The following PHF14 variants were observed in gnomAD, a reference collection of about 807,000 sequenced individuals.
PHF14 encodes PHD finger protein 14.
Under a neutral mutation model 117.9 loss-of-function variants are expected in PHF14, and 55 were observed. The observed-to-expected ratio is 0.47, with a 90% CI of 0.38 to 0.58. The LOEUF is 0.58. PHF14 is among the 20% of genes least tolerant of loss of function. The probability of loss-of-function intolerance (pLI) is 0.00; values close to 1 mark genes in which losing one functional copy is unlikely to be tolerated. For synonymous variants in PHF14, 409 were observed against 368.6 expected, an observed-to-expected ratio of 1.11 and a Z score of -1.26; for missense variants, 978 against 1,122.2, an observed-to-expected ratio of 0.87 and a Z score of 1.84.
At chr7:11,003,408 T>G (rs929711395) in intron 4 of PHF14, among the ~76,000 whole-genome samples, 2 of 152,224 alleles carry the variant, frequency 1.3e-5, no homozygotes, top group Non-Finnish European at 2.9e-5. Context: ...AATACATAGG[T>G]GTTAAGCCAG....
At chr7:11,037,634 A>G (rs967250774) in intron 10 of PHF14, among the ~76,000 whole-genome samples, 1 of 152,208 alleles carries the variant, frequency 6.6e-6, no homozygotes, top group Non-Finnish European at 1.5e-5. Context: ...GTACCTCTTC[A>G]TCGTAATGAG....
chr7:11,061,697 AAC>A (rs1785226706), intron 14 of PHF14, 92 bp from the exon 15 acceptor site: 3 of 960,964 alleles, frequency 3.1e-6, no homozygotes, highest in South Asian at 5.9e-5. Flanking sequence ...CCTAAGCAAT[AAC>A]ATTTAACAGA....
chr7:11,141,017 A>G (rs977604739), intron 17 of PHF14, among the ~76,000 whole-genome samples: 6 of 152,132 alleles, frequency 3.9e-5, no homozygotes, highest in African/African-American at 1.2e-4. Context: ...TCTGAGGAAC[A>G]TAAGACAGAC....
chr7:11,005,862 G>A (rs1353415234), intron 4 of PHF14, among the ~76,000 whole-genome samples: 2 of 135,406 alleles, frequency 1.5e-5, no homozygotes, highest in Non-Finnish European at 3.0e-5. Flanking sequence ...GTGAGATCTC[G>A]GCTCACTGCA....
At chr7:11,057,295 G>A (rs925791577) in intron 14 of PHF14, among the ~76,000 whole-genome samples, 3 of 152,050 alleles carry the variant, frequency 2.0e-5, no homozygotes, top group African/African-American at 7.2e-5. Context: ...TACATTACAT[G>A]TTTTTTAGTC....
At chr7:11,109,320 G>A (rs1193851078) in intron 16 of PHF14, 1 of 151,774 alleles carries the variant, frequency 6.6e-6, no homozygotes, top group African/African-American at 2.4e-5. Flanking sequence ...CTGACTCCTG[G>A]TCCTCATTCC....
At chr7:11,154,513 T>C (rs1481257128) in intron 17 of PHF14, among the ~76,000 whole-genome samples, 2 of 152,182 alleles carry the variant, frequency 1.3e-5, no homozygotes, top group East Asian at 3.8e-4. Context: ...GTCTAATTTC[T>C]GTACCAAATC....
intron 17 of PHF14, among the ~76,000 whole-genome samples, chr7:11,155,039 G>A (rs1788802979): frequency 6.6e-6 from 1 of 152,098 alleles, no homozygotes. Context: ...CACTACAGCA[G>A]TATGTCATTA....
intron 3 of PHF14, among the ~76,000 whole-genome samples, chr7:10,984,135 T>A (rs1782138680): frequency 6.6e-6 from 1 of 152,146 alleles, no homozygotes; most frequent in Non-Finnish European, 1.5e-5. Flanking sequence ...GTTAAACGGG[T>A]AGAAAGATTT....
Position 11,035,766 on chromosome 7 carries a change from C to A in PHF14, c.1582C>A (p.Gln528Lys). The change falls in exon 8 of 18, where the codon CAA (glutamine) becomes AAA (lysine). Residue 528 changes from glutamine to lysine, a missense_variant. Physicochemically the swap from Gln to Lys is moderately conservative, Grantham distance 53. Around this residue, in one of 7 missense-constraint regions of PHF14, gnomAD observed 237 missense variants for 276.4 expected, o/e 0.86. Transcript: ENST00000634607. ...CKMSLQEREK[Q>K]LSPEAQARIN... is the part of the protein sequence containing the mutation. ...AATGTCTTTGCAAGAGAGAGAGAAG[C>A]AACTATCACCAGAAGCACAGGTATG... is the stretch of plus-strand genomic sequence containing the variant. 6.2e-7 allele frequency: 1 copy of A among 1,605,972 alleles called. No homozygotes were observed. Among genetic ancestry groups the A allele is most frequent in the Non-Finnish European group, 8.5e-7 (1 of 1,175,772 alleles).
chr7:11,017,392 T>C lies in PHF14; in HGVS notation c.1205+3486T>C, dbSNP rs1424350997. Among the ~76,000 whole-genome samples the C allele has an allele frequency of 5.3e-5, 8 of 152,168 alleles. No homozygotes were observed. In the East Asian group the frequency reaches 1.5e-3, roughly 29 times the overall value. ...AAGGGTTCCCTTTTCTCCACATTCT[T>C]GCCAACATTTGTTATTGCCTGTCTT... On this transcript the variant is annotated intron_variant, in intron 5 of 17. Transcript: ENST00000634607.
chr7:10,991,823 C>T (rs1203330831), intron 4 of PHF14, among the ~76,000 whole-genome samples: 1 of 129,838 alleles, frequency 7.7e-6, no homozygotes, highest in African/African-American at 3.0e-5. Context: ...ATCTTGAACT[C>T]CTGGCCTCAA....
At chr7:11,093,450 C>T (rs566932826) in intron 16 of PHF14, among the ~76,000 whole-genome samples, 3 of 152,284 alleles carry the variant, frequency 2.0e-5, no homozygotes, top group African/African-American at 7.2e-5. Flanking sequence ...CTGCTTACCT[C>T]AGTGTACCAC....
At chr7:11,047,066 T>G (rs529573013) in intron 13 of PHF14, among the ~76,000 whole-genome samples, 2 of 152,042 alleles carry the variant, frequency 1.3e-5, no homozygotes, top group Non-Finnish European at 1.5e-5. Context: ...TTAGTCCACT[T>G]TCTTTTTTTT....
intron 4 of PHF14, among the ~76,000 whole-genome samples, chr7:10,992,385 G>T (rs532639097): frequency 1.3e-5 from 2 of 151,098 alleles, no homozygotes; most frequent in African/African-American, 2.4e-5. Flanking sequence ...GCAAAGGGCC[G>T]GGTGCAGTGG....
At chr7:11,112,679 G>C (rs1787485422) in intron 17 of PHF14, among the ~76,000 whole-genome samples, 1 of 151,898 alleles carries the variant, frequency 6.6e-6, no homozygotes, top group Non-Finnish European at 1.5e-5. Context: ...GCTGAGGCAG[G>C]AGAATCACTT....
chr7:11,005,084 C>T (rs144720572), intron 4 of PHF14, among the ~76,000 whole-genome samples: 97 of 152,006 alleles, frequency 6.4e-4, no homozygotes, highest in African/African-American at 2.2e-3. Context: ...CAACCACAGA[C>T]CTCTTAATTT....
intron 17 of PHF14, among the ~76,000 whole-genome samples, chr7:11,142,163 G>T (rs993855132): frequency 2.6e-5 from 4 of 152,020 alleles, no homozygotes; most frequent in African/African-American, 4.8e-5. Context: ...AATGTTAAAT[G>T]TATTATCAAT....
chr7:11,159,701 A>G (rs182281192), intron 17 of PHF14, among the ~76,000 whole-genome samples: 85 of 152,236 alleles, frequency 5.6e-4, no homozygotes, highest in African/African-American at 1.8e-3. Context: ...GGTACAAGGG[A>G]TCTCTGTATT....
Sources: gnomAD v4.1 joint callset for allele counts (sites outside exome capture counted in the v4.1 genomes callset) on GRCh38, gnomAD v4.1.1 for gene constraint, gnomAD v4.1.1 regional missense constraint, MANE v1.5 for transcripts, NCBI Gene and HGNC (gene_info 2026-07-23, HGNC 2026-07-21) for gene names.